The following TIAM2 variants were observed in gnomAD, a reference collection of about 807,000 sequenced individuals.
TIAM2 encodes rho guanine nucleotide exchange factor TIAM2.
TIAM2 carries 80 observed loss-of-function variants against 152.9 expected under a neutral mutation model. That is an observed-to-expected ratio of 0.52 (90% CI 0.44 to 0.63). The LOEUF (loss-of-function observed/expected upper bound fraction) is 0.63, where lower values mean the gene tolerates loss of function less well. Among genes scored for constraint, TIAM2 ranks in the 30% least tolerant of loss-of-function variants. TIAM2 has a pLI of 0.00. For missense variants in TIAM2, 1,965 were observed against 2,120.1 expected (o/e 0.93, Z 1.44); for synonymous variants, 804 against 838.0 (o/e 0.96, Z 0.70).
intron 1 of TIAM2, among the ~76,000 whole-genome samples, chr6:155,030,903 G>A (rs536333414): frequency 6.6e-6 from 1 of 152,058 alleles, no homozygotes; most frequent in South Asian, 2.1e-4. Context: ...TAGAAGACTT[G>A]GGGAAATAAA....
At chr6:155,082,098 C>G (rs952991368) in intron 1 of TIAM2, among the ~76,000 whole-genome samples, 3 of 152,264 alleles carry the variant, frequency 2.0e-5, no homozygotes. Context: ...AATCCCAGCA[C>G]TTTGGGAGGC....
intron 9 of TIAM2, among the ~76,000 whole-genome samples, chr6:155,172,211 C>T (rs907042711): frequency 6.6e-6 from 1 of 152,108 alleles, no homozygotes; most frequent in Admixed American, 6.5e-5. Flanking sequence ...GTGGCTGCAG[C>T]CCAGTGATGT....
intron 1 of TIAM2, among the ~76,000 whole-genome samples, chr6:155,079,124 C>T (rs1583179744): frequency 1.3e-5 from 2 of 151,908 alleles, no homozygotes; most frequent in South Asian, 2.1e-4. Context: ...TGCAGTGGTG[C>T]GATCTCGGCT....
At chr6:155,241,072 C>A (rs74772052) in intron 16 of TIAM2, among the ~76,000 whole-genome samples, 2 of 152,144 alleles carry the variant, frequency 1.3e-5, no homozygotes, top group Non-Finnish European at 2.9e-5. Context: ...TCTGTACATA[C>A]GTGACGGCTG....
At chr6:155,193,743 A>G (rs1033465126) in intron 14 of TIAM2, among the ~76,000 whole-genome samples, 4 of 152,068 alleles carry the variant, frequency 2.6e-5, no homozygotes, top group Non-Finnish European at 1.5e-5. Context: ...AAAATTACCA[A>G]TTTTTGCTGC....
chr6:155,077,434 G>C (rs1470893196), intron 1 of TIAM2, among the ~76,000 whole-genome samples: 1 of 152,068 alleles, frequency 6.6e-6, no homozygotes, highest in Non-Finnish European at 1.5e-5. Flanking sequence ...TTTTCCCTTT[G>C]ACGTAAAATT....
chr6:155,146,156 G>T (rs1397792331), intron 6 of TIAM2, among the ~76,000 whole-genome samples: 2 of 152,106 alleles, frequency 1.3e-5, no homozygotes, highest in East Asian at 3.9e-4. Context: ...GCAGGAGGAT[G>T]GCTTGTGGCG....
rs1463277101 is a variant in TIAM2, at chr6:155,174,882, T to G, written c.2362-1934T>G. 3.3e-5 allele frequency among the ~76,000 whole-genome samples: 5 copies of G among 152,236 alleles called. No individual in the cohort carries two copies. The highest frequency in any genetic ancestry group is 5.9e-5 in the Non-Finnish European group (4 of 68,046). On this transcript the variant is annotated intron_variant, in intron 9 of 26. Coordinates refer to ENST00000682666, the MANE Select transcript of TIAM2 (RefSeq NM_012454.4). The surrounding 1 kb of genome is among the most constrained non-coding windows in gnomAD (Gnocchi z 4.2). The stretch of plus-strand genomic sequence containing the variant: ...CGGGCCTTGTTCTTTGTGATGTTTC[T>G]TACTCCACAGTGACCTCTGCTGGGT...
Position 155,129,355 on chromosome 6 carries a change from T to G in TIAM2, c.132T>G (p.His44Gln), listed in dbSNP as rs957622401. The G allele has an allele frequency of 2.5e-6, 4 of 1,614,054 alleles. No individual in the cohort carries two copies. In the African/African-American group the frequency reaches 5.3e-5, roughly 22 times the overall value. Residue 44 changes from histidine (H) to glutamine (Q), a missense_variant, in exon 4 of 27, where the codon CAT becomes CAG. His to Gln is a conservative substitution (Grantham distance 24, BLOSUM62 0). Coordinates refer to ENST00000682666, the MANE Select transcript of TIAM2 (RefSeq NM_012454.4). This position sits in a 1 kb window ranked among gnomAD's most constrained non-coding sequence, Gnocchi z 4.8. ...GIHAKEEKSL[H>Q]GWGHGSNGAG... is the part of the protein sequence containing the mutation. ...ATGCAAAAGAGGAAAAGTCATTGCA[T>G]GGATGGGGTCACGGAAGCAACGGAG...
At chr6:155,057,017 C>CTTTT (rs71023612) in intron 1 of TIAM2, among the ~76,000 whole-genome samples, 1,051 of 43,938 alleles carry the variant, frequency 0.024, 5 homozygotes, top group Non-Finnish European at 0.033. Flanking sequence ...AGTTTTCTTT[C>CTTTT]TTTTTTTTTT....
intron 1 of TIAM2, among the ~76,000 whole-genome samples, chr6:155,011,238 G>C (rs1411394754): frequency 6.6e-6 from 1 of 152,094 alleles, no homozygotes; most frequent in African/African-American, 2.4e-5. Context: ...TTCAGGAGTG[G>C]AGGGGTAGTT....
intron 9 of TIAM2, among the ~76,000 whole-genome samples, chr6:155,172,150 A>G (rs1404228064): frequency 6.6e-6 from 1 of 152,128 alleles, no homozygotes; most frequent in Non-Finnish European, 1.5e-5. Flanking sequence ...AATGCCCTCC[A>G]AGGAGAGCTA....
At chr6:155,116,224 G>A (rs527440839) in intron 2 of TIAM2, among the ~76,000 whole-genome samples, 15 of 152,178 alleles carry the variant, frequency 9.9e-5, no homozygotes, top group Admixed American at 3.3e-4. Context: ...GTATATATAT[G>A]TTGTTTTTTT....
At position 155,129,448 on chromosome 6, in the gene TIAM2, A is replaced by G. The variant is rs1454301255; in HGVS notation, c.225A>G (p.Ala75=). Residue 75 remains alanine (A), a synonymous_variant, in exon 4 of 27, where the codon GCA becomes GCG. Transcript: ENST00000682666. This position sits in a 1 kb window ranked among gnomAD's most constrained non-coding sequence, Gnocchi z 4.8. The stretch of plus-strand genomic sequence containing the variant: ...ACTTTAAGAGTAACCAGCCTTACGC[A>G]TCGAGACTCGGTGGCCCCACATGCA... ...LSHFKSNQPY[A]SRLGGPTCKV... is the part of the protein sequence containing the mutation. 2 of 1,613,954 alleles carry G rather than the reference A, an allele frequency of 1.2e-6. No homozygotes were observed. Among genetic ancestry groups the G allele is most frequent in the African/African-American group, 2.7e-5 (2 of 74,886 alleles).
Position 155,214,172 on chromosome 6 carries a change from G to C in TIAM2, c.3168+2865G>C, listed in dbSNP as rs993760088. Among the ~76,000 whole-genome samples, 9 of 152,364 alleles carry C rather than the reference G, an allele frequency of 5.9e-5. No homozygotes were observed. In the South Asian group the frequency reaches 1.4e-3, roughly 25 times the overall value. On this transcript the variant is annotated intron_variant, in intron 15 of 26. Coordinates refer to ENST00000682666, the MANE Select transcript of TIAM2 (RefSeq NM_012454.4). The surrounding 1 kb of genome is among the most constrained non-coding windows in gnomAD (Gnocchi z 5.4). ...CCCTGCCACTTCAGGATTGGGTGGG[G>C]CTTCCACATTCTCAGCTCCTGCTGG...
At chr6:155,134,839 G>A (rs1044111860) in intron 4 of TIAM2, among the ~76,000 whole-genome samples, 1 of 152,098 alleles carries the variant, frequency 6.6e-6, no homozygotes, top group South Asian at 2.1e-4. Flanking sequence ...CCAAGTAGCT[G>A]GGACTACAGG....
At chr6:155,020,273 G>C (rs1412484077) in intron 1 of TIAM2, among the ~76,000 whole-genome samples, 1 of 152,182 alleles carries the variant, frequency 6.6e-6, no homozygotes, top group African/African-American at 2.4e-5. Context: ...GTCACAGAGT[G>C]ATGGATAAAT....
At chr6:155,229,112 C>T (rs534815437) in intron 15 of TIAM2, among the ~76,000 whole-genome samples, 9 of 152,250 alleles carry the variant, frequency 5.9e-5, no homozygotes, top group African/African-American at 2.2e-4. Flanking sequence ...TGGCCTTCTG[C>T]ACGCCTCCCC....
chr6:155,220,109 G>A (rs1781991744), intron 15 of TIAM2, among the ~76,000 whole-genome samples: 1 of 152,230 alleles, frequency 6.6e-6, no homozygotes, highest in Admixed American at 6.5e-5. Context: ...TTGGACAGAG[G>A]CAAACTAAAA....
Sources: allele counts gnomAD v4.1 joint callset (sites outside exome capture counted in the v4.1 genomes callset), GRCh38; gene constraint gnomAD v4.1.1; non-coding constraint Gnocchi (gnomAD v3.1); transcripts MANE v1.5; gene names NCBI Gene and HGNC (gene_info 2026-07-23, HGNC 2026-07-21).